The following MIS18BP1 variants were observed in gnomAD, a reference collection of about 807,000 sequenced individuals.
MIS18BP1 encodes mis18-binding protein 1.
MIS18BP1 carries 72 observed loss-of-function variants against 116.1 expected under a neutral mutation model. That is an observed-to-expected ratio of 0.62 (90% CI 0.51 to 0.75). The LOEUF is 0.75. Among genes scored for constraint, MIS18BP1 ranks in the 30% least tolerant of loss-of-function variants. The probability of loss-of-function intolerance (pLI) is 0.00; values close to 1 mark genes in which losing one functional copy is unlikely to be tolerated. For synonymous variants in MIS18BP1, 386 were observed against 427.0 expected (o/e 0.90, Z 1.18); for missense variants, 1,363 against 1,303.2 (o/e 1.05, Z -0.71).
At chr14:45,205,107 C>A (rs1163135482) in intron 15 of MIS18BP1, among the ~76,000 whole-genome samples, 1 of 152,064 alleles carries the variant, frequency 6.6e-6, no homozygotes, top group Non-Finnish European at 1.5e-5. Context: ...AGTAACAGAA[C>A]AGAAAATATA....
At chr14:45,245,233 C>T (rs775097108) in intron 2 of MIS18BP1, among the ~76,000 whole-genome samples, 6 of 152,278 alleles carry the variant, frequency 3.9e-5, no homozygotes, top group South Asian at 2.1e-4. Context: ...GCCTACTTGA[C>T]CAATTAGGAG....
chr14:45,248,125 G>C (rs1891775833), intron 1 of MIS18BP1, among the ~76,000 whole-genome samples: 1 of 148,934 alleles, frequency 6.7e-6, no homozygotes, highest in Admixed American at 6.7e-5. Flanking sequence ...GAGTGCAGTG[G>C]TGATCTCAGC....
At position 45,204,073 on chromosome 14, in the gene MIS18BP1, T is replaced by C. The variant is rs1409028022; in HGVS notation, c.*36A>G. Reference sequence around the variant, plus strand: ...GAAAATACAAACACTGTCTGCTTTATGGTAAAAATCCCAGGAATCATATTT... The same window carrying C: ...GAAAATACAAACACTGTCTGCTTTACGGTAAAAATCCCAGGAATCATATTT... On this transcript the variant is annotated 3_prime_UTR_variant, in exon 17 of 17. Coordinates refer to ENST00000310806, the MANE Select transcript of MIS18BP1 (RefSeq NM_018353.5). 6.3e-7 allele frequency: 1 copy of C among 1,598,860 alleles called. No individual in the cohort carries two copies. Among genetic ancestry groups the C allele is most frequent in the Non-Finnish European group, 8.5e-7 (1 of 1,174,192 alleles).
At chr14:45,243,099 A>AT (rs1891630007) in intron 2 of MIS18BP1, among the ~76,000 whole-genome samples, 1 of 152,096 alleles carries the variant, frequency 6.6e-6, no homozygotes, top group Non-Finnish European at 1.5e-5. Flanking sequence ...GTGAGGAAGA[A>AT]TTTTTTAAAA....
At chr14:45,230,336 T>TAA (rs907268990) in intron 8 of MIS18BP1, among the ~76,000 whole-genome samples, 27 of 152,162 alleles carry the variant, frequency 1.8e-4, no homozygotes, top group African/African-American at 6.3e-4. Flanking sequence ...GTCTCCTTAT[T>TAA]AAAAAAGAGA....
chr14:45,240,535 T>C (rs1190040466), intron 4 of MIS18BP1, among the ~76,000 whole-genome samples: 2 of 152,002 alleles, frequency 1.3e-5, no homozygotes, highest in Non-Finnish European at 2.9e-5. Flanking sequence ...AGCTCTCCAA[T>C]ATGTTTCCAG....
At chr14:45,212,830 T>C (rs546630128) in intron 13 of MIS18BP1, among the ~76,000 whole-genome samples, 13 of 152,144 alleles carry the variant, frequency 8.5e-5, no homozygotes, top group Admixed American at 1.3e-4. Flanking sequence ...AAGGTTAGAA[T>C]CCGGGGAGAA....
chr14:45,223,415 A>G (rs893018267), intron 11 of MIS18BP1, among the ~76,000 whole-genome samples: 9 of 152,120 alleles, frequency 5.9e-5, no homozygotes, highest in South Asian at 2.1e-4. Context: ...CATCTCTACT[A>G]AAAATATAAA....
At chr14:45,207,599 C>T (rs1468574432) in intron 14 of MIS18BP1, among the ~76,000 whole-genome samples, 5 of 152,088 alleles carry the variant, frequency 3.3e-5, no homozygotes, top group Admixed American at 6.6e-5. Flanking sequence ...GGTAGTGAGC[C>T]GAGATTGTGC....
At position 45,237,762 on chromosome 14, in the gene MIS18BP1, T is replaced by C. The variant is rs760529041; in HGVS notation, c.1144-41A>G. ...ACAAAGAACATATTTCCTGTATTAC[T>C]TGCAGCACAAGCATTACAAAATTAA... On this transcript the variant is annotated intron_variant, in intron 4 of 16. Coordinates refer to ENST00000310806, the MANE Select transcript of MIS18BP1 (RefSeq NM_018353.5). 3.9e-6 allele frequency: 6 copies of C among 1,554,498 alleles called. No individual in the cohort carries two copies. The African/African-American group carries it at 7.0e-5, about 18-fold the overall frequency.
At position 45,217,025 on chromosome 14, in the gene MIS18BP1, T is replaced by A. The variant is rs1244009754; in HGVS notation, c.2997A>T (p.Arg999Ser). 6.2e-7 allele frequency: 1 copy of A among 1,613,686 alleles called. No individual in the cohort carries two copies. Among genetic ancestry groups the A allele is most frequent in the South Asian group, 1.1e-5 (1 of 90,964 alleles). The change falls in exon 13 of 17, where the codon AGA becomes AGT. Residue 999 changes from arginine (R) to serine (S), a missense_variant. Coordinates refer to ENST00000310806, the MANE Select transcript of MIS18BP1 (RefSeq NM_018353.5). ...ATGATTTCATGCCTCTTACCAGTAT[T>A]CTTTGATGCTGTAAAGGTGTTGTAC... ...FFSTTPLQHQ[R>S]ILLPSFQDSE...
chr14:45,243,094 G>A (rs1891629827), intron 2 of MIS18BP1, among the ~76,000 whole-genome samples: 2 of 152,054 alleles, frequency 1.3e-5, no homozygotes, highest in Non-Finnish European at 2.9e-5. Flanking sequence ...TTACGGTGAG[G>A]AAGAATTTTT....
chr14:45,232,523 A>G, intron 7 of MIS18BP1: 2 of 510,818 alleles, frequency 3.9e-6, no homozygotes, highest in Non-Finnish European at 3.6e-6. Context: ...GGCCAGGCAC[A>G]GTGGCTCATG....
chr14:45,232,374 G>A (rs1167885927), intron 7 of MIS18BP1: 17 of 200,750 alleles, frequency 8.5e-5, no homozygotes, highest in East Asian at 1.9e-4. Context: ...CTGAGATCGC[G>A]CCACTGCACT....
intron 14 of MIS18BP1, among the ~76,000 whole-genome samples, chr14:45,209,445 A>T (rs180701076): frequency 6.6e-6 from 1 of 152,062 alleles, no homozygotes; most frequent in South Asian, 2.1e-4. Flanking sequence ...CTTCTACATC[A>T]GCCTCCCTAG....
chr14:45,221,783 A>G (rs549764782), intron 11 of MIS18BP1, among the ~76,000 whole-genome samples: 6 of 152,338 alleles, frequency 3.9e-5, no homozygotes, highest in African/African-American at 1.4e-4. Flanking sequence ...GTTCAGTTCT[A>G]TATCCCTGCT....
chr14:45,227,727 C>T lies in MIS18BP1; in HGVS notation c.1682G>A (p.Arg561Lys). ...ATTATTTACTTGGTCATCTGGGAACCTTAATGTTGGTTTATTTTGGCAATT... is the reference window on the plus strand; with the variant it reads ...ATTATTTACTTGGTCATCTGGGAACTTTAATGTTGGTTTATTTTGGCAATT... ...HSNCQNKPTL[R>K]FPDDQVNNTI... is the part of the protein sequence containing the mutation. Residue 561 changes from arginine to lysine, a missense_variant, in exon 9 of 17, where the codon AGG becomes AAG. Coordinates refer to ENST00000310806, the MANE Select transcript of MIS18BP1 (RefSeq NM_018353.5). The T allele has an allele frequency of 6.2e-7, 1 of 1,613,830 alleles. No individual in the cohort carries two copies. Among genetic ancestry groups the T allele is most frequent in the Non-Finnish European group, 8.5e-7 (1 of 1,179,826 alleles).
chr14:45,211,386 G>A (rs1890668726), intron 13 of MIS18BP1, among the ~76,000 whole-genome samples: 1 of 152,154 alleles, frequency 6.6e-6, no homozygotes, highest in South Asian at 2.1e-4. Context: ...GGATGGTGCT[G>A]GCCCCTTCAC....
At position 45,204,018 on chromosome 14, in the gene MIS18BP1, C is replaced by T; in HGVS notation, c.*91G>A. 1 of 1,491,186 alleles carries T rather than the reference C, an allele frequency of 6.7e-7. No individual in the cohort carries two copies. Among genetic ancestry groups the T allele is most frequent in the Non-Finnish European group, 8.9e-7 (1 of 1,122,910 alleles). The allele number at this position is 1,491,186 out of a possible 1,614,324, so 92.4% of individuals were successfully genotyped here. ...AAGTCCACATTTTCATAGGAAGCTA[C>T]TTTACAAAGAAAATACATGTACTCC... On this transcript the variant is annotated 3_prime_UTR_variant, in exon 17 of 17. Coordinates refer to ENST00000310806, the MANE Select transcript of MIS18BP1 (RefSeq NM_018353.5).
Sources: gnomAD v4.1 joint callset for allele counts (sites outside exome capture counted in the v4.1 genomes callset) on GRCh38, gnomAD v4.1.1 for gene constraint, MANE v1.5 for transcripts, NCBI Gene and HGNC (gene_info 2026-07-23, HGNC 2026-07-21) for gene names.